DAB1: variants seen among roughly 807,000 people sequenced by gnomAD.
DAB1 encodes DAB adaptor protein 1, also known as disabled homolog 1.
DAB1 carries 15 observed loss-of-function variants against 64.6 expected under a neutral mutation model. The ratio of observed to expected loss-of-function variants is 0.23; its 90% CI spans 0.16 to 0.36. The LOEUF is 0.36. Among genes scored for constraint, DAB1 ranks in the 10% least tolerant of loss-of-function variants. The pLI is 1.00. For missense variants in DAB1, 596 were observed against 706.7 expected (o/e 0.84, Z 1.78); for synonymous variants, 235 against 251.9 (o/e 0.93, Z 0.64).
intron 2 of DAB1, among the ~76,000 whole-genome samples, chr1:58,508,189 C>CTTTAATG (rs1380395156): frequency 6.6e-6 from 1 of 152,158 alleles, no homozygotes; most frequent in Non-Finnish European, 1.5e-5. Flanking sequence ...GAGATATCTA[C>CTTTAATG]TTTAATGTTA....
chr1:57,782,100 C>T (rs1924267), intron 6 of DAB1, among the ~76,000 whole-genome samples: 22,388 of 152,108 alleles, frequency 0.15, 1,854 homozygotes, highest in East Asian at 0.25. Context: ...TCTCCTATAA[C>T]GCAGGATTTT....
intron 1 of DAB1, among the ~76,000 whole-genome samples, chr1:57,302,389 C>CA (rs1558124808): frequency 6.6e-6 from 1 of 152,190 alleles, no homozygotes; most frequent in Non-Finnish European, 1.5e-5. Flanking sequence ...TTTCACCCAG[C>CA]AAACCACTAC....
chr1:58,236,806 C>T (rs764519776), intron 4 of DAB1, among the ~76,000 whole-genome samples: 11 of 152,186 alleles, frequency 7.2e-5, no homozygotes, highest in Non-Finnish European at 1.2e-4. Flanking sequence ...ATGCCAAATC[C>T]GCTAGACTTT....
At chr1:58,484,447 C>A (rs1645540543) in intron 3 of DAB1, among the ~76,000 whole-genome samples, 1 of 152,146 alleles carries the variant, frequency 6.6e-6, no homozygotes, top group Admixed American at 6.6e-5. Context: ...ACCAGTAATA[C>A]AGGCATACTT....
At chr1:57,132,802 C>A (rs1364929988) in intron 4 of DAB1, among the ~76,000 whole-genome samples, 1 of 152,106 alleles carries the variant, frequency 6.6e-6, no homozygotes, top group African/African-American at 2.4e-5. Context: ...AACTCCACCC[C>A]TTTTGTCTTC....
At chr1:58,505,881 T>C (rs1645980349) in intron 3 of DAB1, among the ~76,000 whole-genome samples, 1 of 152,200 alleles carries the variant, frequency 6.6e-6, no homozygotes, top group Admixed American at 6.5e-5. Context: ...TCTCCAAGAC[T>C]TGTGGACAAG....
At chr1:57,898,581 A>G (rs1644425609) in intron 5 of DAB1, among the ~76,000 whole-genome samples, 1 of 152,124 alleles carries the variant, frequency 6.6e-6, no homozygotes, top group African/African-American at 2.4e-5. Context: ...AACTTAATTA[A>G]AAAAATATCA....
intron 2 of DAB1, among the ~76,000 whole-genome samples, chr1:57,255,040 A>G (rs1361116480): frequency 6.6e-6 from 1 of 152,214 alleles, no homozygotes; most frequent in African/African-American, 2.4e-5. Context: ...CCAACATTCA[A>G]AACAGTGCCT....
At chr1:57,246,743 G>T (rs935210813) in intron 2 of DAB1, among the ~76,000 whole-genome samples, 1 of 152,242 alleles carries the variant, frequency 6.6e-6, no homozygotes, top group Non-Finnish European at 1.5e-5. Context: ...ATCCTGCAGC[G>T]CTCCAGGGGC....
At chr1:57,295,826 A>G (rs1324071403) in intron 1 of DAB1, among the ~76,000 whole-genome samples, 1 of 152,148 alleles carries the variant, frequency 6.6e-6, no homozygotes, top group Non-Finnish European at 1.5e-5. Flanking sequence ...AATGTTCTAC[A>G]TATCTGAAGA....
chr1:58,093,929 A>G (rs1260100971), intron 5 of DAB1, among the ~76,000 whole-genome samples: 1 of 152,132 alleles, frequency 6.6e-6, no homozygotes, highest in African/African-American at 2.4e-5. Flanking sequence ...TCTGTACTAC[A>G]GAATCCTGAT....
chr1:58,232,055 T>G (rs1344220490), intron 4 of DAB1, among the ~76,000 whole-genome samples: 1 of 152,246 alleles, frequency 6.6e-6, no homozygotes, highest in Non-Finnish European at 1.5e-5. Flanking sequence ...TTTTCTGTTT[T>G]TTAACTAATC....
chr1:58,448,527 C>G (rs1167010062), intron 3 of DAB1, among the ~76,000 whole-genome samples: 2 of 152,126 alleles, frequency 1.3e-5, no homozygotes, highest in Non-Finnish European at 2.9e-5. Context: ...AAGACTGGAC[C>G]AGATCCACAG....
At chr1:58,074,564 G>GTGTGTGTGTGTATATATATATA (rs1332531604) in intron 5 of DAB1, 3 of 91,630 alleles carry the variant, frequency 3.3e-5, no homozygotes, top group Non-Finnish European at 6.4e-5. Flanking sequence ...ATATATGTGT[G>GTGTGTGTGTGTATATATATATA]TATATATATA....
intron 6 of DAB1, among the ~76,000 whole-genome samples, chr1:57,800,064 T>A (rs1359587146): frequency 6.6e-6 from 1 of 152,226 alleles, no homozygotes; most frequent in Non-Finnish European, 1.5e-5. Context: ...CGATCTGCCA[T>A]GTGTTTTATC....
chr1:57,852,102 T>C (rs1653551997), intron 1 of DAB1, among the ~76,000 whole-genome samples: 1 of 152,188 alleles, frequency 6.6e-6, no homozygotes, highest in African/African-American at 2.4e-5. Flanking sequence ...TCCCCTGAGA[T>C]GGGTCACATA....
At chr1:58,538,060 AG>A (rs1646545915) in intron 1 of DAB1, among the ~76,000 whole-genome samples, 1 of 152,206 alleles carries the variant, frequency 6.6e-6, no homozygotes, top group African/African-American at 2.4e-5. Context: ...TACAAATAGA[AG>A]TTCTTGGTTT....
At chr1:57,011,340 C>T in intron 12 of DAB1, 68 bp from the exon 13 acceptor site, 3 of 1,564,010 alleles carry the variant, frequency 1.9e-6, no homozygotes, top group Middle Eastern at 1.8e-4. Flanking sequence ...CCCAAAGAAA[C>T]CTCAGGAATC....
At chr1:57,220,878 C>T (rs1250576891) in intron 2 of DAB1, among the ~76,000 whole-genome samples, 1 of 152,158 alleles carries the variant, frequency 6.6e-6, no homozygotes, top group Non-Finnish European at 1.5e-5. Flanking sequence ...ACCATTTGAC[C>T]CAGCCATCCC....
Sources: allele counts gnomAD v4.1 joint callset (sites outside exome capture counted in the v4.1 genomes callset), GRCh38; gene constraint gnomAD v4.1.1; transcripts MANE v1.5; gene names NCBI Gene and HGNC (gene_info 2026-07-23, HGNC 2026-07-21).